IL16: variants seen among roughly 807,000 people sequenced by gnomAD.
IL16 encodes the protein pro-interleukin-16.
IL16 carries 67 observed loss-of-function variants against 110.1 expected under a neutral mutation model. The ratio of observed to expected loss-of-function variants is 0.61; its 90% CI spans 0.50 to 0.75. The LOEUF is 0.75. Among genes scored for constraint, IL16 ranks in the 30% least tolerant of loss-of-function variants. The pLI is 0.00. For missense variants in IL16, 1,545 were observed against 1,655.0 expected (o/e 0.93, Z 1.15); for synonymous variants, 689 against 662.9 (o/e 1.04, Z -0.61).
chr15:81,267,269 G>T (rs183900932), intron 4 of IL16, among the ~76,000 whole-genome samples: 23 of 152,298 alleles, frequency 1.5e-4, no homozygotes, highest in Admixed American at 1.3e-3. Context: ...GGGAGGCTGT[G>T]CTGAAGAGAA....
chr15:81,200,518 C>T (rs951345838), intron 1 of IL16, among the ~76,000 whole-genome samples: 3 of 150,488 alleles, frequency 2.0e-5, no homozygotes, highest in African/African-American at 2.5e-5. Flanking sequence ...TACAGGCACA[C>T]GCCACCACAC....
At chr15:81,196,379 TG>T (rs1895597405), upstream of IL16, among the ~76,000 whole-genome samples, 1 of 152,218 alleles carries the variant, frequency 6.6e-6, no homozygotes, top group African/African-American at 2.4e-5. Context: ...ATGGCAGGAT[TG>T]TATGTGATGA....
At chr15:81,245,175 T>C (rs188632248) in intron 2 of IL16, among the ~76,000 whole-genome samples, 44 of 152,348 alleles carry the variant, frequency 2.9e-4, no homozygotes, top group African/African-American at 9.6e-4. Flanking sequence ...TTTTCTTCTA[T>C]CCTGTTCAAA....
In IL16 at chr15:81,310,162, G is replaced by A. The variant is rs1900779362; in HGVS notation, c.*1364G>A. On this transcript the variant is annotated 3_prime_UTR_variant, in exon 19 of 19. Coordinates refer to ENST00000683961, the MANE Select transcript of IL16 (RefSeq NM_172217.5). ...TCCTCTCAGCCCCTGATCCTGTGAA[G>A]TAAGGATGTGGGGGAAGACCTGGCA... The A allele has an allele frequency of 6.6e-6, 1 of 152,284 alleles. No individual in the cohort carries two copies. The highest frequency in any genetic ancestry group is 2.4e-5 in the African/African-American group (1 of 41,464). The allele number at this position is 152,284 out of a possible 1,614,324, so 9.4% of individuals were successfully genotyped here. A position where few individuals can be genotyped will look rare whatever the true frequency, so the allele number is the denominator to read the frequency against.
At chr15:81,262,114 A>G (rs1249838849) in intron 3 of IL16, among the ~76,000 whole-genome samples, 1 of 152,144 alleles carries the variant, frequency 6.6e-6, no homozygotes, top group Admixed American at 6.5e-5. Flanking sequence ...GTGAAGTTAA[A>G]CATTCCTTCA....
chr15:81,249,670 T>A (rs1338072065), intron 2 of IL16, among the ~76,000 whole-genome samples: 2 of 152,312 alleles, frequency 1.3e-5, no homozygotes, highest in East Asian at 3.9e-4. Flanking sequence ...TAGATATGCT[T>A]TTTTAATTTA....
At chr15:81,230,198 A>T (rs916228437) in intron 2 of IL16, among the ~76,000 whole-genome samples, 1 of 152,242 alleles carries the variant, frequency 6.6e-6, no homozygotes, top group Non-Finnish European at 1.5e-5. Flanking sequence ...CAGGCTTCCT[A>T]AGTTAATAAA....
At position 81,197,094 on chromosome 15, in the gene IL16, A is replaced by G. The variant is rs1320942082; in HGVS notation, c.-160A>G. On this transcript the variant is annotated 5_prime_UTR_variant, in exon 1 of 19. Coordinates refer to ENST00000683961, the MANE Select transcript of IL16 (RefSeq NM_172217.5). ...CAATCCCTGCTGGGCAGATGGAGAG[A>G]GGAGCAAGGGAGATGGCAGCCCCGG... 1 of 1,288,728 alleles carries G rather than the reference A, an allele frequency of 7.8e-7. No homozygotes were observed. Among genetic ancestry groups the G allele is most frequent in the Admixed American group, 2.3e-5 (1 of 43,500 alleles). 79.8% of individuals were successfully genotyped at this position (1,288,728 alleles called of 1,614,324 possible).
rs4072111 is a variant in IL16 at position 81,285,798 on chromosome 15, C to T, written c.1300C>T (p.Pro434Ser). The change falls in exon 10 of 19, where the codon CCC becomes TCC. Residue 434 changes from proline to serine, a missense_variant. This residue lies in a region of IL16 where 1,185 missense variants were observed against 1,238.8 expected (regional missense o/e 0.96). Transcript: ENST00000683961. ...GAGTCACTGTGATCCCGGTCCAGTC[C>T]CCATCATTGTTAGCCGACATCCAGA... ...ILSHCDPGPV[P>S]IIVSRHPDPQ... 204,497 of 1,613,642 alleles carry T rather than the reference C, an allele frequency of 0.13. 16,216 individuals are homozygous for T. The highest frequency in any genetic ancestry group is 0.31 in the South Asian group (28,035 of 91,034).
rs545375753 is a variant in IL16 at position 81,189,104 on chromosome 15, C to G, written c.40+6208C>G. ...AAGTAACTGAGACTATAGGCACATG[C>G]CACCATGCCAAGATAATTTTTTTTT... On this transcript the variant is annotated intron_variant, in intron 1 of 18. Coordinates refer to the IL16 transcript ENST00000302987. Among the ~76,000 whole-genome samples the G allele has an allele frequency of 2.7e-5, 4 of 150,868 alleles. No individual in the cohort carries two copies. The South Asian group carries it at 8.4e-4, about 32-fold the overall frequency.
intron 6 of IL16, among the ~76,000 whole-genome samples, chr15:81,278,030 C>T (rs1054876172): frequency 1.1e-4 from 16 of 149,240 alleles, no homozygotes; most frequent in African/African-American, 2.5e-4. Flanking sequence ...GATCCAAGTC[C>T]TATTTATTTA....
chr15:81,262,742 A>G (rs2142201055), intron 3 of IL16, among the ~76,000 whole-genome samples: 1 of 152,086 alleles, frequency 6.6e-6, no homozygotes, highest in African/African-American at 2.4e-5. Flanking sequence ...GACCAGCCTG[A>G]CCAACATAGA....
intron 1 of IL16, among the ~76,000 whole-genome samples, chr15:81,223,754 A>G (rs1322286948): frequency 6.6e-6 from 1 of 152,262 alleles, no homozygotes; most frequent in African/African-American, 2.4e-5. Context: ...ACTGTTGGCC[A>G]GAGCTGGAGG....
At chr15:81,301,614 C>T (rs1900290831) in intron 15 of IL16, 102 bp downstream of exon 15, 1 of 983,432 alleles carries the variant, frequency 1.0e-6, no homozygotes, top group African/African-American at 1.6e-5. Flanking sequence ...AGCCTGCTCA[C>T]ATCAGACCCA....
At chr15:81,264,814 T>G (rs964583952) in intron 3 of IL16, among the ~76,000 whole-genome samples, 2 of 152,238 alleles carry the variant, frequency 1.3e-5, no homozygotes, top group African/African-American at 4.8e-5. Flanking sequence ...AATATCTCAC[T>G]AATAATTTTA....
At chr15:81,200,271 T>C (rs148270629) in intron 1 of IL16, among the ~76,000 whole-genome samples, 3 of 151,930 alleles carry the variant, frequency 2.0e-5, no homozygotes, top group East Asian at 1.9e-4. Flanking sequence ...ATAAATCTTA[T>C]GTGTATGTGA....
At chr15:81,307,250 C>G (rs1014644539) in intron 18 of IL16, among the ~76,000 whole-genome samples, 1 of 152,194 alleles carries the variant, frequency 6.6e-6, no homozygotes, top group Admixed American at 6.5e-5. Context: ...GACAGGGAGG[C>G]AGGTGGGCCA....
At chr15:81,245,937 T>C (rs750765521) in intron 2 of IL16, among the ~76,000 whole-genome samples, 23 of 152,140 alleles carry the variant, frequency 1.5e-4, no homozygotes, top group East Asian at 5.8e-4. Flanking sequence ...TAGTTGTACT[T>C]ACTGGGAGAA....
intron 2 of IL16, among the ~76,000 whole-genome samples, chr15:81,258,570 A>G (rs75019274): frequency 6.6e-6 from 1 of 151,974 alleles, no homozygotes; most frequent in Admixed American, 6.5e-5. Context: ...GCATGCTGGC[A>G]TGCATCTGTA....
Sources: gnomAD v4.1 joint callset for allele counts (sites outside exome capture counted in the v4.1 genomes callset) on GRCh38, gnomAD v4.1.1 for gene constraint, gnomAD v4.1.1 regional missense constraint, MANE v1.5 for transcripts, NCBI Gene and HGNC (gene_info 2026-07-23, HGNC 2026-07-21) for gene names.